HELZ: variants seen among roughly 807,000 people sequenced by gnomAD.
HELZ encodes ATP-dependent RNA helicase with zinc finger domain.
Under a neutral mutation model 218.2 loss-of-function variants are expected in HELZ, and 23 were observed. The observed-to-expected ratio is 0.11, with a 90% CI of 0.08 to 0.15. HELZ has a LOEUF of 0.15. Ranked by LOEUF, HELZ falls within the 10% of genes least tolerant of loss-of-function variation. The pLI is 1.00. For synonymous variants in HELZ, 814 were observed against 829.4 expected (o/e 0.98, Z 0.32); for missense variants, 1,813 against 2,353.7 (o/e 0.77, Z 4.75).
chr17:67,136,286 T>C, intron 22 of HELZ, 88 bp from the exon 23 acceptor site: 1 of 875,984 alleles, frequency 1.1e-6, no homozygotes. Context: ...TAAAATGTTA[T>C]TGCTAAATAA....
chr17:67,136,307 C>T (rs770247723), intron 22 of HELZ, 109 bp from the exon 23 acceptor site: 51 of 733,492 alleles, frequency 7.0e-5, no homozygotes, highest in Admixed American at 1.1e-4. Flanking sequence ...CAAACATTGG[C>T]GAAGATGTGG....
At chr17:67,165,507 G>T (rs1259932337) in intron 15 of HELZ, among the ~76,000 whole-genome samples, 1 of 152,142 alleles carries the variant, frequency 6.6e-6, no homozygotes, top group African/African-American at 2.4e-5. Context: ...ATCCTACCAT[G>T]ATTGAATTGA....
rs757919349 is a variant in HELZ at position 67,190,200 on chromosome 17, G to C, written c.713C>G (p.Thr238Ser). ...NKQLSGSYME[T>S]LIEKWMNSLS... Reference sequence around the variant, plus strand: ...TGAATTCATCCACTTTTCTATCAAGGTTTCCATGTAACTGCCTGAGAGCTG... The same window carrying C: ...TGAATTCATCCACTTTTCTATCAAGCTTTCCATGTAACTGCCTGAGAGCTG... The change falls in exon 10 of 33, where the codon ACC (threonine) becomes AGC (serine). Residue 238 changes from threonine to serine, a missense_variant. This residue lies in a region of HELZ where 714 missense variants were observed against 1,029.2 expected (regional missense o/e 0.69). Coordinates refer to ENST00000358691, the MANE Select transcript of HELZ (RefSeq NM_014877.4). 1 of 1,613,960 alleles carries C rather than the reference G, an allele frequency of 6.2e-7. No homozygotes were observed. The highest frequency in any genetic ancestry group is 1.1e-5 in the South Asian group (1 of 91,072).
chr17:67,097,306 A>C (rs1229715598), intron 31 of HELZ, among the ~76,000 whole-genome samples: 2 of 152,196 alleles, frequency 1.3e-5, no homozygotes, highest in Non-Finnish European at 2.9e-5. Context: ...CTGTCAGAAA[A>C]ATGGCGCTTA....
intron 4 of HELZ, among the ~76,000 whole-genome samples, chr17:67,217,770 C>G (rs1192264847): frequency 2.0e-5 from 3 of 152,164 alleles, no homozygotes; most frequent in Non-Finnish European, 4.4e-5. Context: ...TGGTTATCAC[C>G]TTCTCAATGA....
At chr17:67,210,362 T>C (rs184125297) in intron 5 of HELZ, among the ~76,000 whole-genome samples, 74 of 152,342 alleles carry the variant, frequency 4.9e-4, no homozygotes, top group Middle Eastern at 3.4e-3. Context: ...CAGGGGTTGC[T>C]GATTACTGAA....
In HELZ at chr17:67,232,723, T is replaced by C. The variant is rs552420937; in HGVS notation, c.-19+6710A>G. ...AATTGATGCAGAGGGAGGAAACAGA[T>C]GAAACAATACTGAGAGCTGTTGAAG... On this transcript the variant is annotated intron_variant, in intron 3 of 32. Coordinates refer to ENST00000358691, the MANE Select transcript of HELZ (RefSeq NM_014877.4). 2.0e-5 allele frequency among the ~76,000 whole-genome samples: 3 copies of C among 152,322 alleles called. No individual in the cohort carries two copies. The South Asian group carries it at 6.2e-4, about 32-fold the overall frequency.
Position 67,107,501 on chromosome 17 carries a change from T to G in HELZ, c.4909A>C (p.Asn1637His). The change falls in exon 31 of 33, where the codon AAC becomes CAC. Residue 1637 changes from asparagine to histidine, a missense_variant. Physicochemically the swap from Asn to His is moderately conservative, Grantham distance 68. Around this residue, in one of 4 missense-constraint regions of HELZ, gnomAD observed 938 missense variants for 1,027.5 expected, o/e 0.91. Transcript: ENST00000358691. ...HSSHFSNFNDNSRDIEVASNP... is the reference protein window; with the variant it reads ...HSSHFSNFNDHSRDIEVASNP... The stretch of plus-strand genomic sequence containing the variant: ...CTGGCTACTTCAATGTCTCTGCTGT[T>G]ATCATTAAAGTTAGAAAAGTGGCTA... 1 of 1,614,174 alleles carries G rather than the reference T, an allele frequency of 6.2e-7. No homozygotes were observed. Among genetic ancestry groups the G allele is most frequent in the Non-Finnish European group, 8.5e-7 (1 of 1,180,034 alleles).
In HELZ at chr17:67,123,036, A is replaced by T. The variant is rs374874656; in HGVS notation, c.3564T>A (p.Thr1188=). The part of the protein sequence containing the change: ...PSPVQRIDPH[T]GTSILYVPAV... ...CAGGTACATAAAGAATACTTGTCCC[A>T]GTGTGAGGATCTATTCTTTGAACAG... Residue 1188 remains threonine, a synonymous_variant, in exon 26 of 33, where the codon ACT becomes ACA. Coordinates refer to ENST00000358691, the MANE Select transcript of HELZ (RefSeq NM_014877.4). 2.7e-5 allele frequency: 44 copies of T among 1,613,604 alleles called. No individual in the cohort carries two copies. The highest frequency in any genetic ancestry group is 2.0e-4 in the Admixed American group (12 of 60,004).
intron 13 of HELZ, among the ~76,000 whole-genome samples, chr17:67,172,005 GTAT>G (rs151284957): frequency 0.073 from 11,043 of 151,814 alleles, 532 homozygotes; most frequent in Admixed American, 0.11. Flanking sequence ...CTAATTTTTT[GTAT>G]TTTTAGCAGA....
chr17:67,086,843 G>C lies in HELZ; in HGVS notation c.5480C>G (p.Pro1827Arg). ...CTCTGTCTTACCTATCAACTCTCTG[G>C]GCTGAGCTGTCCTGCTGGATCCATT... ...PCNGSSRTAQPRELIAPPKTV... is the reference protein window; with the variant it reads ...PCNGSSRTAQRRELIAPPKTV... The change falls in exon 32 of 33, where the codon CCC (proline) becomes CGC (arginine). Residue 1827 changes from proline to arginine, a missense_variant. Physicochemically the swap from Pro to Arg is moderately radical, Grantham distance 103. Around this residue, in one of 4 missense-constraint regions of HELZ, gnomAD observed 938 missense variants for 1,027.5 expected, o/e 0.91. Coordinates refer to ENST00000358691, the MANE Select transcript of HELZ (RefSeq NM_014877.4). 6.2e-7 allele frequency: 1 copy of C among 1,613,384 alleles called. No individual in the cohort carries two copies. The highest frequency in any genetic ancestry group is 8.5e-7 in the Non-Finnish European group (1 of 1,179,896).
chr17:67,195,372 AG>A, intron 8 of HELZ, 46 bp downstream of exon 8: 1 of 1,112,436 alleles, frequency 9.0e-7, no homozygotes, highest in South Asian at 1.3e-5. Context: ...ATAAAAGCAA[AG>A]CCCTTATTCA....
rs1267143784 is a variant in HELZ at position 67,108,392 on chromosome 17, C to G, written c.4724+100G>C. The G allele has an allele frequency of 1.2e-6, 1 of 854,708 alleles. No homozygotes were observed. The highest frequency in any genetic ancestry group is 1.7e-5 in the African/African-American group (1 of 60,328). The allele number at this position is 854,708 out of a possible 1,614,324, so 52.9% of individuals were successfully genotyped here. On this transcript the variant is annotated intron_variant, in intron 30 of 32. Transcript: ENST00000358691. This position sits in a 1 kb window ranked among gnomAD's most constrained non-coding sequence, Gnocchi z 4.1. ...CTTGGAAGGCCAGCATCCAATTTCT[C>G]TGAGGCAATATTCCAGCTTGAAGCT...
At chr17:67,144,311 C>T (rs573896931) in intron 21 of HELZ, among the ~76,000 whole-genome samples, 4 of 152,096 alleles carry the variant, frequency 2.6e-5, no homozygotes, top group South Asian at 4.2e-4. Flanking sequence ...AGCAATGTGT[C>T]TCAAAATTTT....
chr17:67,202,230 T>TA (rs572917120), intron 6 of HELZ, among the ~76,000 whole-genome samples: 55 of 145,782 alleles, frequency 3.8e-4, no homozygotes, highest in African/African-American at 6.5e-4. Context: ...CGAACTGGTT[T>TA]AAAAAAAAAA....
At chr17:67,085,467 G>T (rs553955105) in intron 32 of HELZ, among the ~76,000 whole-genome samples, 20 of 152,002 alleles carry the variant, frequency 1.3e-4, no homozygotes, top group African/African-American at 4.8e-4. Flanking sequence ...AAAATACAGC[G>T]GTTTACTCCT....
At chr17:67,215,996 T>C (rs2040590385) in intron 4 of HELZ, 61 bp from the exon 5 acceptor site, 3 of 948,662 alleles carry the variant, frequency 3.2e-6, no homozygotes, top group African/African-American at 1.6e-5. Flanking sequence ...AACAGAGATG[T>C]TGTCAAAGGG....
At chr17:67,094,333 A>AAAAAGAGAGAGAGAG (rs528061407) in intron 31 of HELZ, among the ~76,000 whole-genome samples, 1 of 146,564 alleles carries the variant, frequency 6.8e-6, no homozygotes, top group African/African-American at 2.6e-5. Flanking sequence ...AAAAAAAAAA[A>AAAAAGAGAGAGAGAG]AGAGAGAGAG....
intron 27 of HELZ, among the ~76,000 whole-genome samples, chr17:67,116,555 A>AT (rs1307926034): frequency 6.6e-6 from 1 of 152,166 alleles, no homozygotes; most frequent in African/African-American, 2.4e-5. Context: ...GGCTACACTG[A>AT]TATCACACAA....
Sources: gnomAD v4.1 joint callset for allele counts (sites outside exome capture counted in the v4.1 genomes callset) on GRCh38, gnomAD v4.1.1 for gene constraint, gnomAD v4.1.1 regional missense constraint, Gnocchi (gnomAD v3.1) non-coding constraint, MANE v1.5 for transcripts, NCBI Gene and HGNC (gene_info 2026-07-23, HGNC 2026-07-21) for gene names.